Variants in MAN1C1 observed in about 807,000 individuals in gnomAD.
MAN1C1 encodes mannosidase alpha class 1C member 1.
In MAN1C1, 49 loss-of-function variants were observed where a neutral mutation model predicts 71.5. The observed-to-expected ratio is 0.69, with a 90% CI of 0.54 to 0.87. The LOEUF is 0.87. Among genes scored for constraint, MAN1C1 ranks in the 40% least tolerant of loss-of-function variants. The pLI is 0.00. For synonymous variants in MAN1C1, 352 were observed against 343.7 expected (o/e 1.02, Z -0.27); for missense variants, 743 against 835.0 (o/e 0.89, Z 1.36).
rs565818746 is a variant in MAN1C1 at position 25,704,384 on chromosome 1, A to C, written c.637+17848A>C. Among the ~76,000 whole-genome samples, 208 of 152,322 alleles carry C rather than the reference A, an allele frequency of 1.4e-3. 1 individual carries two copies. The highest frequency in any genetic ancestry group is 4.4e-3 in the African/African-American group (185 of 41,576). ...CTGGGAATGGGCGGCCGACAGAACC[A>C]AGCCATATCCTATCCTTAGACCCAA... On this transcript the variant is annotated intron_variant, in intron 2 of 11. Coordinates refer to ENST00000374332, the MANE Select transcript of MAN1C1 (RefSeq NM_020379.4).
intron 7 of MAN1C1, among the ~76,000 whole-genome samples, chr1:25,767,975 ACACAC>A (rs1236818830): frequency 4.1e-5 from 4 of 97,748 alleles, no homozygotes; most frequent in Admixed American, 1.1e-4. Flanking sequence ...CTCCCCTCAC[ACACAC>A]CACACACACA....
At chr1:25,619,653 GT>G (rs1179941460) in intron 1 of MAN1C1, among the ~76,000 whole-genome samples, 1 of 152,224 alleles carries the variant, frequency 6.6e-6, no homozygotes, top group African/African-American at 2.4e-5. Flanking sequence ...GTGTGTGCAT[GT>G]TTGTGTGCTC....
At chr1:25,654,303 AT>A (rs2045733163) in intron 1 of MAN1C1, 1 of 152,214 alleles carries the variant, frequency 6.6e-6, no homozygotes, top group Non-Finnish European at 1.5e-5. Context: ...AGTCTTGTGT[AT>A]GTGGTCCTAG....
At chr1:25,678,269 T>G (rs1438695621) in intron 1 of MAN1C1, among the ~76,000 whole-genome samples, 2 of 152,232 alleles carry the variant, frequency 1.3e-5, no homozygotes, top group Non-Finnish European at 2.9e-5. Flanking sequence ...AATACCTATT[T>G]ACTACTTTAC....
At position 25,618,221 on chromosome 1, in the gene MAN1C1, C is replaced by T. The variant is rs2045142316; in HGVS notation, c.424C>T (p.Arg142Cys). The change falls in exon 1 of 12, where the codon CGC (arginine) becomes TGC (cysteine). Residue 142 changes from arginine (R) to cysteine (C), a missense_variant. Transcript: ENST00000374332. ...GCCCGGGGACGAGGGCGTCCCTTTC[C>T]GCTTTGACTTCAACGCATTCCGGAG... ...SRPGDEGVPF[R>C]FDFNAFRSRL... The T allele has an allele frequency of 1.3e-6, 2 of 1,598,692 alleles. No homozygotes were observed. The highest frequency in any genetic ancestry group is 2.7e-5 in the African/African-American group (2 of 74,546).
chr1:25,669,003 A>G (rs2045960860), intron 1 of MAN1C1, among the ~76,000 whole-genome samples: 1 of 152,150 alleles, frequency 6.6e-6, no homozygotes, highest in Non-Finnish European at 1.5e-5. Context: ...CTGTCTCTGA[A>G]ATTTTGAAAG....
intron 6 of MAN1C1, chr1:25,758,958 G>A: frequency 2.1e-6 from 1 of 486,758 alleles, no homozygotes; most frequent in Non-Finnish European, 3.7e-6. Flanking sequence ...GATTCTGCCG[G>A]GGAAAAGGTT....
intron 2 of MAN1C1, among the ~76,000 whole-genome samples, chr1:25,703,049 A>T (rs147065486): frequency 4.3e-4 from 66 of 152,344 alleles, no homozygotes; most frequent in African/African-American, 1.4e-3. Flanking sequence ...ATTCTGGTTC[A>T]TTGGGTCTGG....
chr1:25,741,163 G>A (rs1469582704), intron 2 of MAN1C1, among the ~76,000 whole-genome samples: 5 of 152,006 alleles, frequency 3.3e-5, no homozygotes, highest in Non-Finnish European at 7.4e-5. Context: ...GTGACTTTTA[G>A]TAGAGACAGG....
At chr1:25,740,919 CTG>C (rs1329508723) in intron 2 of MAN1C1, among the ~76,000 whole-genome samples, 1 of 151,932 alleles carries the variant, frequency 6.6e-6, no homozygotes, top group Non-Finnish European at 1.5e-5. Flanking sequence ...TGGGCAGTGT[CTG>C]GAAATCTCGC....
At chr1:25,704,082 G>T (rs574238436) in intron 2 of MAN1C1, among the ~76,000 whole-genome samples, 1 of 152,004 alleles carries the variant, frequency 6.6e-6, no homozygotes, top group Non-Finnish European at 1.5e-5. Context: ...GTCTCTCCTC[G>T]TCTCCCTGAT....
intron 1 of MAN1C1, among the ~76,000 whole-genome samples, chr1:25,680,858 G>T (rs77352408): frequency 6.6e-6 from 1 of 152,136 alleles, no homozygotes; most frequent in South Asian, 2.1e-4. Flanking sequence ...CCTAGGTTCA[G>T]TGATGCACTA....
At chr1:25,777,194 C>T (rs2124411180) in intron 8 of MAN1C1, among the ~76,000 whole-genome samples, 1 of 152,222 alleles carries the variant, frequency 6.6e-6, no homozygotes, top group Middle Eastern at 3.4e-3. Context: ...GTACAGAGAC[C>T]CCCTGGAGAG....
At chr1:25,674,745 T>A (rs1036257596) in intron 1 of MAN1C1, among the ~76,000 whole-genome samples, 2 of 143,494 alleles carry the variant, frequency 1.4e-5, no homozygotes, top group African/African-American at 5.3e-5. Flanking sequence ...GAGGATAAGC[T>A]GACTGAAGGC....
At chr1:25,722,721 T>C (rs1045733535) in intron 2 of MAN1C1, among the ~76,000 whole-genome samples, 3 of 152,198 alleles carry the variant, frequency 2.0e-5, no homozygotes, top group African/African-American at 7.2e-5. Context: ...TATTTGTCCA[T>C]CTCTCGTGTT....
At chr1:25,750,302 G>A (rs966429166) in intron 4 of MAN1C1, among the ~76,000 whole-genome samples, 23 of 152,110 alleles carry the variant, frequency 1.5e-4, no homozygotes, top group Non-Finnish European at 3.1e-4. Context: ...CCCGAGCTCC[G>A]GTAAAAGCAC....
intron 2 of MAN1C1, among the ~76,000 whole-genome samples, chr1:25,694,499 G>A (rs183665423): frequency 2.0e-5 from 3 of 152,332 alleles, no homozygotes; most frequent in Admixed American, 2.0e-4. Context: ...TCAGATCACA[G>A]GCTGGGAATG....
At chr1:25,755,110 C>G (rs2047268507) in intron 5 of MAN1C1, among the ~76,000 whole-genome samples, 1 of 152,122 alleles carries the variant, frequency 6.6e-6, no homozygotes. Flanking sequence ...GAACGTGGGC[C>G]CTTCAGGAGA....
Position 25,769,682 on chromosome 1 carries a change from A to C in MAN1C1, c.1142-1975A>C, listed in dbSNP as rs945915744. On this transcript the variant is annotated intron_variant, in intron 7 of 11. Transcript: ENST00000374332. The surrounding 1 kb of genome is among the most constrained non-coding windows in gnomAD (Gnocchi z 4.8). ...CTTCCATTCACCTGCTCAGCACTCC[A>C]TGGGCATCTCTGTGCGCCGTGTAGT... 6.6e-6 allele frequency among the ~76,000 whole-genome samples: 1 copy of C among 152,004 alleles called. No homozygotes were observed. Among genetic ancestry groups the C allele is most frequent in the Admixed American group, 6.6e-5 (1 of 15,262 alleles).
Sources: allele counts gnomAD v4.1 joint callset (sites outside exome capture counted in the v4.1 genomes callset), GRCh38; gene constraint gnomAD v4.1.1; non-coding constraint Gnocchi (gnomAD v3.1); transcripts MANE v1.5; gene names NCBI Gene and HGNC (gene_info 2026-07-23, HGNC 2026-07-21).